The following GRIK4 variants were observed in gnomAD, a reference collection of about 807,000 sequenced individuals.
The protein encoded by GRIK4 is glutamate ionotropic receptor kainate type subunit 4.
A neutral mutation model predicts 104.9 loss-of-function variants in GRIK4; 40 were observed. That is an observed-to-expected ratio of 0.38 (90% confidence interval 0.30 to 0.50). The LOEUF (loss-of-function observed/expected upper bound fraction) is 0.50. GRIK4 is among the 20% of genes least tolerant of loss of function. GRIK4 has a pLI of 0.93. For missense variants in GRIK4, 1,047 were observed against 1,308.1 expected, an observed-to-expected ratio of 0.80 and a Z score of 3.08; for synonymous variants, 485 against 524.9, an observed-to-expected ratio of 0.92 and a Z score of 1.04.
At chr11:120,586,381 G>A (rs1382981331) in intron 1 of GRIK4, among the ~76,000 whole-genome samples, 2 of 152,136 alleles carry the variant, frequency 1.3e-5, no homozygotes, top group East Asian at 1.9e-4. Context: ...GAGGAGGACA[G>A]GCGATGAGGC....
chr11:120,680,525 A>G (rs776412855), intron 3 of GRIK4, among the ~76,000 whole-genome samples: 3 of 152,138 alleles, frequency 2.0e-5, no homozygotes, highest in Non-Finnish European at 4.4e-5. Flanking sequence ...GGCAAAGACT[A>G]TGTCTCATTA....
chr11:120,536,890 G>A (rs1947983031), intron 1 of GRIK4, among the ~76,000 whole-genome samples: 1 of 152,204 alleles, frequency 6.6e-6, no homozygotes, highest in African/African-American at 2.4e-5. Context: ...TTGGAGGCAG[G>A]CTGACCACCA....
intron 3 of GRIK4, among the ~76,000 whole-genome samples, chr11:120,690,228 C>T (rs1487114614): frequency 6.6e-6 from 1 of 152,140 alleles, no homozygotes; most frequent in African/African-American, 2.4e-5. Flanking sequence ...GCTTTAGTGT[C>T]TGGTGTTGAA....
chr11:120,874,596 C>T (rs927988550), intron 10 of GRIK4, among the ~76,000 whole-genome samples: 2 of 152,202 alleles, frequency 1.3e-5, no homozygotes, highest in Non-Finnish European at 2.9e-5. Context: ...GAGTTGCAGG[C>T]TCAAGACTTC....
At chr11:120,895,599 TC>T (rs35579663) in intron 11 of GRIK4, among the ~76,000 whole-genome samples, 2 of 152,198 alleles carry the variant, frequency 1.3e-5, no homozygotes, top group Non-Finnish European at 2.9e-5. Flanking sequence ...CACATTCGTA[TC>T]CCCACCCCAA....
chr11:120,875,059 G>T (rs1188651348), intron 10 of GRIK4, 80 bp from the exon 11 acceptor site: 6 of 872,476 alleles, frequency 6.9e-6, no homozygotes, highest in Non-Finnish European at 1.2e-5. Flanking sequence ...TCCTTAAATA[G>T]CCCCTGTGTA....
At chr11:120,872,499 T>C (rs187060108) in intron 9 of GRIK4, 5,232 of 155,210 alleles carry the variant, frequency 0.034, 245 homozygotes, top group African/African-American at 0.11. Flanking sequence ...AAGGGTGCTC[T>C]CACAAGGGTC....
chr11:120,687,911 G>C (rs1361984103), intron 3 of GRIK4, among the ~76,000 whole-genome samples: 2 of 152,152 alleles, frequency 1.3e-5, no homozygotes, highest in Non-Finnish European at 2.9e-5. Flanking sequence ...GAGACTTTCG[G>C]CTGAGATTTT....
intron 4 of GRIK4, among the ~76,000 whole-genome samples, chr11:120,808,005 C>G (rs1952750621): frequency 6.6e-6 from 1 of 152,102 alleles, no homozygotes; most frequent in African/African-American, 2.4e-5. Context: ...AGGTGAGGCC[C>G]CTGGCCAGAC....
chr11:120,859,930 G>A (rs1954217486), intron 8 of GRIK4, among the ~76,000 whole-genome samples: 1 of 152,226 alleles, frequency 6.6e-6, no homozygotes, highest in African/African-American at 2.4e-5. Flanking sequence ...TAATGAAGCT[G>A]GGCTCTGGGT....
At chr11:120,911,240 CTTT>C (rs202173501) in intron 13 of GRIK4, among the ~76,000 whole-genome samples, 6 of 137,700 alleles carry the variant, frequency 4.4e-5, no homozygotes, top group South Asian at 2.4e-4. Context: ...CCAAAATTCT[CTTT>C]TTTTTTTTTT....
At position 120,679,666 on chromosome 11, in the gene GRIK4, G is replaced by T. The variant is rs114681345; in HGVS notation, c.82+19266G>T. Among the ~76,000 whole-genome samples, 958 of 152,280 alleles carry T rather than the reference G, an allele frequency of 6.3e-3. 5 individuals carry two copies. The highest frequency in any genetic ancestry group is 0.021 in the African/African-American group (877 of 41,558). ...ACATGAAGAGAGCAGGGACCCTCCTGGCAGGGAGGACTTGTCTAACTGAAC... is the reference window on the plus strand; with the variant it reads ...ACATGAAGAGAGCAGGGACCCTCCTTGCAGGGAGGACTTGTCTAACTGAAC... On this transcript the variant is annotated intron_variant, in intron 3 of 20. Coordinates refer to ENST00000527524, the MANE Select transcript of GRIK4 (RefSeq NM_014619.5).
intron 1 of GRIK4, among the ~76,000 whole-genome samples, chr11:120,596,831 T>G (rs1453701774): frequency 6.6e-6 from 1 of 151,980 alleles, no homozygotes; most frequent in Non-Finnish European, 1.5e-5. Flanking sequence ...TTCAAGTGAT[T>G]CTCCTGCCTC....
intron 3 of GRIK4, among the ~76,000 whole-genome samples, chr11:120,739,705 GA>G (rs1951292514): frequency 6.6e-6 from 1 of 152,216 alleles, no homozygotes; most frequent in African/African-American, 2.4e-5. Flanking sequence ...GGGCACTTTG[GA>G]GTCCCAAGAT....
intron 3 of GRIK4, among the ~76,000 whole-genome samples, chr11:120,741,271 C>G (rs1035276767): frequency 1.5e-5 from 2 of 137,820 alleles, no homozygotes; most frequent in South Asian, 4.8e-4. Context: ...AGGCCGTGTG[C>G]TTTCTTTTTT....
chr11:120,907,043 A>T (rs984580375), intron 13 of GRIK4, among the ~76,000 whole-genome samples: 1 of 152,240 alleles, frequency 6.6e-6, no homozygotes, highest in African/African-American at 2.4e-5. Context: ...CTTGAGCCTC[A>T]GTTTTCGAGA....
chr11:120,815,548 T>C, intron 5 of GRIK4, 73 bp downstream of exon 5: 1 of 861,562 alleles, frequency 1.2e-6, no homozygotes, highest in Non-Finnish European at 1.8e-6. Context: ...TAGGGTTGAT[T>C]CTCAAGGGCT....
At chr11:120,857,498 ACATG>A (rs904458806) in intron 8 of GRIK4, among the ~76,000 whole-genome samples, 7 of 32,378 alleles carry the variant, frequency 2.2e-4, no homozygotes, top group East Asian at 9.5e-4. Flanking sequence ...ATGTATGCAC[ACATG>A]CACACACACA....
chr11:120,676,538 T>C (rs1343899251), intron 3 of GRIK4, among the ~76,000 whole-genome samples: 4 of 152,182 alleles, frequency 2.6e-5, no homozygotes. Context: ...GGGAGGCAGA[T>C]ATGTGCAAAG....
Sources: allele counts gnomAD v4.1 joint callset (sites outside exome capture counted in the v4.1 genomes callset), GRCh38; gene constraint gnomAD v4.1.1; transcripts MANE v1.5; gene names NCBI Gene and HGNC (gene_info 2026-07-23, HGNC 2026-07-21).